Variants in PVALB observed in about 807,000 individuals in gnomAD.
The protein encoded by PVALB is parvalbumin, also known as parvalbumin alpha.
PVALB carries 11 observed loss-of-function variants against 10.9 expected under a neutral mutation model. That is an observed-to-expected ratio of 1.01 (90% CI 0.63 to 1.67). PVALB has a LOEUF of 1.67. Ranked by LOEUF, PVALB falls within the 40% of genes most tolerant of loss-of-function variation. PVALB has a pLI of 0.00. For missense variants in PVALB, 131 were observed against 136.2 expected (o/e 0.96, Z 0.19); for synonymous variants, 57 against 50.7 (o/e 1.12, Z -0.53).
Position 36,814,997 on chromosome 22 carries a change from G to A in PVALB, c.194+106C>T, listed in dbSNP as rs1023726200. ...ACGCACGGTTACTTTCTGTGAAGCA[G>A]GCAGAGTGAAAGGCAGGTCTGATGG... On this transcript the variant is annotated intron_variant, in intron 2 of 3. Coordinates refer to ENST00000417718, the MANE Select transcript of PVALB (RefSeq NM_001315532.2). 1.3e-5 allele frequency: 18 copies of A among 1,425,494 alleles called. No homozygotes were observed. In the African/African-American group the frequency reaches 2.4e-4, roughly 19 times the overall value. 88.3% of individuals were successfully genotyped at this position (1,425,494 alleles called of 1,614,324 possible). A position where few individuals can be genotyped will look rare whatever the true frequency, so the allele number is the denominator to read the frequency against.
upstream of PVALB, chr22:36,817,420 C>T (rs1939163000): frequency 6.3e-6 from 1 of 158,770 alleles, no homozygotes; most frequent in Non-Finnish European, 1.4e-5. Context: ...GATGTCCTGC[C>T]GCGTGGGGGA....
intron 2 of PVALB, among the ~76,000 whole-genome samples, chr22:36,813,993 G>T (rs1459827960): frequency 6.6e-6 from 1 of 152,208 alleles, no homozygotes; most frequent in Non-Finnish European, 1.5e-5. Context: ...CTCACTTCAG[G>T]GAGGGCACCT....
chr22:36,802,419 G>A (rs774755560), intron 3 of PVALB, among the ~76,000 whole-genome samples: 2 of 151,712 alleles, frequency 1.3e-5, no homozygotes, highest in South Asian at 2.1e-4. Flanking sequence ...TGGCCAACAC[G>A]GTGAAACCCT....
chr22:36,811,462 G>C, intron 3 of PVALB: 1 of 470,570 alleles, frequency 2.1e-6, no homozygotes, highest in Non-Finnish European at 4.4e-6. Flanking sequence ...AAATGGGCCT[G>C]AATTATTTTT....
At chr22:36,801,564 C>T (rs902577248) in intron 3 of PVALB, among the ~76,000 whole-genome samples, 4 of 152,204 alleles carry the variant, frequency 2.6e-5, no homozygotes, top group African/African-American at 9.7e-5. Context: ...CTTTGGGAGG[C>T]TGAGGCAGGT....
rs138014798 is a variant in PVALB at position 36,815,791 on chromosome 22, G to A, written c.62-556C>T. The stretch of plus-strand genomic sequence containing the variant: ...CTGGCTCTGCGCAGAAATCCACTTC[G>A]GAGGCAGTGGGAAGGGGGTGTTAGG... On this transcript the variant is annotated intron_variant, in intron 1 of 3. Transcript: ENST00000417718. 7.6e-4 allele frequency among the ~76,000 whole-genome samples: 115 copies of A among 152,188 alleles called. 1 individual carries two copies. Among genetic ancestry groups the A allele is most frequent in the African/African-American group, 2.6e-3 (109 of 41,526 alleles).
At chr22:36,807,142 A>G (rs186987209) in intron 3 of PVALB, among the ~76,000 whole-genome samples, 1 of 152,382 alleles carries the variant, frequency 6.6e-6, no homozygotes, top group East Asian at 1.9e-4. Flanking sequence ...CACAGAAGCC[A>G]TTTATAACTA....
In PVALB at chr22:36,816,980, G is replaced by A. The variant is rs1463178154; in HGVS notation, c.26C>T (p.Ala9Val). The part of the protein sequence containing the change: MSMTDLLN[A>V]EDIKKAVGAF... ...TCCCACCGCCTTCTTGATGTCCTCA[G>A]CGTTCAGCAAGTCTGTCATCGACAT... Residue 9 changes from alanine to valine, a missense_variant, in exon 1 of 4, where the codon GCT becomes GTT. Coordinates refer to ENST00000417718, the MANE Select transcript of PVALB (RefSeq NM_001315532.2). The A allele has an allele frequency of 1.2e-6, 2 of 1,609,762 alleles. No homozygotes were observed. Among genetic ancestry groups the A allele is most frequent in the Non-Finnish European group, 1.7e-6 (2 of 1,178,828 alleles).
At chr22:36,811,091 C>G (rs1303055122) in intron 3 of PVALB, among the ~76,000 whole-genome samples, 1 of 152,164 alleles carries the variant, frequency 6.6e-6, no homozygotes, top group Non-Finnish European at 1.5e-5. Flanking sequence ...GCCTGGCCAA[C>G]ATGGTGAAAC....
chr22:36,819,200 G>A (rs555303347), upstream of PVALB, among the ~76,000 whole-genome samples: 10 of 152,280 alleles, frequency 6.6e-5, no homozygotes, highest in South Asian at 1.9e-3. Flanking sequence ...CTGAGGCCCA[G>A]CCACGGGGGG....
intron 1 of PVALB, chr22:36,815,514 G>C (rs1939125224): frequency 6.6e-6 from 3 of 457,750 alleles, no homozygotes; most frequent in Admixed American, 3.4e-5. Flanking sequence ...CATTGCTGAT[G>C]ATGGGAGCAG....
chr22:36,813,500 C>G (rs1334364404), intron 3 of PVALB, 146 bp downstream of exon 3: 2 of 667,294 alleles, frequency 3.0e-6, no homozygotes, highest in African/African-American at 1.8e-5. Context: ...GCTCTCAGAC[C>G]TAATGGACTG....
rs778961959 is a variant in PVALB at position 36,800,841 on chromosome 22, T to C, written c.*49A>G. ...AGGAGGGTGGCGAGAGGGGCCGAGA[T>C]TGGGTGTTCAGGGCAGAGAGGTGGA... On this transcript the variant is annotated 3_prime_UTR_variant, in exon 4 of 4. Coordinates refer to ENST00000417718, the MANE Select transcript of PVALB (RefSeq NM_001315532.2). 1 of 1,558,228 alleles carries C rather than the reference T, an allele frequency of 6.4e-7. No homozygotes were observed. The highest frequency in any genetic ancestry group is 8.9e-7 in the Non-Finnish European group (1 of 1,129,430).
intron 3 of PVALB, among the ~76,000 whole-genome samples, chr22:36,811,275 C>CTAAATAAATGAA (rs1939042082): frequency 6.8e-6 from 1 of 148,076 alleles, no homozygotes; most frequent in South Asian, 2.2e-4. Flanking sequence ...GAGACTGTCT[C>CTAAATAAATGAA]TAAATAAATA....
chr22:36,802,828 C>T (rs1398438522), intron 3 of PVALB, among the ~76,000 whole-genome samples: 1 of 151,972 alleles, frequency 6.6e-6, no homozygotes, highest in East Asian at 1.9e-4. Flanking sequence ...TTGAAATCTC[C>T]AGGCTCTCTG....
At chr22:36,801,278 TCTGACA>T (rs1330891136) in intron 3 of PVALB, among the ~76,000 whole-genome samples, 1 of 152,260 alleles carries the variant, frequency 6.6e-6, no homozygotes, top group Non-Finnish European at 1.5e-5. Flanking sequence ...CTTATTTGAC[TCTGACA>T]ATAGTCCTGT....
At chr22:36,809,919 C>T (rs1015497300) in intron 3 of PVALB, among the ~76,000 whole-genome samples, 4 of 143,790 alleles carry the variant, frequency 2.8e-5, no homozygotes, top group Admixed American at 7.5e-5. Context: ...GAGTCTAGCT[C>T]TGCTGTCCAG....
rs796701112 is a variant in PVALB at position 36,801,808 on chromosome 22, C to CA, written c.305-891dup. Reference sequence around the variant, plus strand: ...GAGTCAGACTCTGTCTCAAAACAAACAAAAAAAAGAAAAGAAAAAAGAAAA... The same window carrying CA: ...GAGTCAGACTCTGTCTCAAAACAAACAAAAAAAAAGAAAAGAAAAAAGAAAA... On this transcript the variant is annotated intron_variant, in intron 3 of 3. Transcript: ENST00000417718. Among the ~76,000 whole-genome samples, 390 of 150,316 alleles carry CA rather than the reference C, an allele frequency of 2.6e-3. 2 individuals carry two copies. Among genetic ancestry groups the CA allele is most frequent in the African/African-American group, 8.8e-3 (365 of 41,262 alleles).
chr22:36,817,261 C>T (rs925288769), upstream of PVALB: 2 of 322,492 alleles, frequency 6.2e-6, no homozygotes, highest in East Asian at 4.8e-5. Flanking sequence ...CAGGGGTCCG[C>T]GGGATCCCAG....
Sources: allele counts gnomAD v4.1 joint callset (sites outside exome capture counted in the v4.1 genomes callset), GRCh38; gene constraint gnomAD v4.1.1; transcripts MANE v1.5; gene names NCBI Gene and HGNC (gene_info 2026-07-23, HGNC 2026-07-21).